Variants in RFX7 observed in about 807,000 individuals in gnomAD.
RFX7 encodes the protein DNA-binding protein RFX7.
Under a neutral mutation model 111.8 loss-of-function variants are expected in RFX7, and 26 were observed. That is an observed-to-expected ratio of 0.23 (90% CI 0.17 to 0.32). RFX7 has a LOEUF of 0.32. Ranked by LOEUF, RFX7 falls within the 10% of genes least tolerant of loss-of-function variation. The pLI is 1.00. For missense variants in RFX7, 1,573 were observed against 1,772.9 expected (o/e 0.89, Z 2.02); for synonymous variants, 624 against 624.4 (o/e 1.00, Z 0.01).
intron 2 of RFX7, among the ~76,000 whole-genome samples, chr15:56,233,489 T>G (rs558126025): frequency 1.3e-5 from 2 of 152,010 alleles, no homozygotes; most frequent in African/African-American, 4.8e-5. Flanking sequence ...GCAGTGGAAA[T>G]AGGAAGACAA....
At chr15:56,152,920 T>G (rs1193324424) in intron 3 of RFX7, among the ~76,000 whole-genome samples, 1 of 152,010 alleles carries the variant, frequency 6.6e-6, no homozygotes, top group Non-Finnish European at 1.5e-5. Context: ...CATCAGAGAA[T>G]ACTATAAAAA....
chr15:56,165,730 C>G (rs1389742147), intron 3 of RFX7, among the ~76,000 whole-genome samples: 2 of 152,152 alleles, frequency 1.3e-5, no homozygotes, highest in Non-Finnish European at 2.9e-5. Context: ...AGGCTACCTG[C>G]ATTTTTTAAA....
In RFX7 at chr15:56,096,327, CAT is replaced by C. The variant is rs1859788678; in HGVS notation, c.1399_1400del (p.Met467GlufsTer19). ...IKTAVVPASH[M>X]SSLNVVKMTT... ...TCATTTTCACCACATTTAGAGAACT[CAT>C]GTGTGAAGCGGGTACAACAGCAGTT... On this transcript the variant is annotated frameshift_variant, in exon 10 of 10. Transcript: ENST00000559447. LOFTEE classifies it high-confidence loss of function. The C allele has an allele frequency of 1.2e-6, 2 of 1,613,812 alleles. No homozygotes were observed. The highest frequency in any genetic ancestry group is 1.3e-5 in the African/African-American group (1 of 74,896).
chr15:56,122,213 G>A (rs2042088046), intron 5 of RFX7, among the ~76,000 whole-genome samples: 3 of 152,016 alleles, frequency 2.0e-5, no homozygotes, highest in Admixed American at 2.0e-4. Flanking sequence ...ATCTGTTTTT[G>A]GCCACCACAG....
At chr15:56,106,276 T>A (rs1021009624) in intron 5 of RFX7, among the ~76,000 whole-genome samples, 22 of 152,234 alleles carry the variant, frequency 1.4e-4, no homozygotes, top group African/African-American at 5.3e-4. Context: ...TTATTCTACC[T>A]CTTGGAAGGA....
At chr15:56,127,610 C>T (rs536145605) in intron 5 of RFX7, among the ~76,000 whole-genome samples, 171 of 149,932 alleles carry the variant, frequency 1.1e-3, no homozygotes, top group African/African-American at 3.8e-3. Context: ...TGCAGTGGCG[C>T]GATCTCGACT....
At chr15:56,110,258 G>A (rs1400939063) in intron 5 of RFX7, among the ~76,000 whole-genome samples, 1 of 101,376 alleles carries the variant, frequency 9.9e-6, no homozygotes, top group Non-Finnish European at 2.1e-5. Flanking sequence ...CCCCGTCCGG[G>A]AGGGAGGTGG....
chr15:56,182,140 T>C (rs1362629960), intron 2 of RFX7, among the ~76,000 whole-genome samples: 1 of 152,132 alleles, frequency 6.6e-6, no homozygotes, highest in African/African-American at 2.4e-5. Flanking sequence ...CATTATATAT[T>C]ACAATGTAAT....
chr15:56,106,959 A>T (rs2041837560), intron 5 of RFX7, among the ~76,000 whole-genome samples: 1 of 152,162 alleles, frequency 6.6e-6, no homozygotes, highest in South Asian at 2.1e-4. Flanking sequence ...GACTCAAAAA[A>T]GGGTGAGGAA....
At chr15:56,112,133 A>AG (rs59932447) in intron 5 of RFX7, among the ~76,000 whole-genome samples, 1 of 150,242 alleles carries the variant, frequency 6.7e-6, no homozygotes, top group African/African-American at 2.4e-5. Flanking sequence ...AAAAAAAAAA[A>AG]GAATCACTAA....
intron 2 of RFX7, among the ~76,000 whole-genome samples, chr15:56,228,896 C>T (rs1177715689): frequency 1.3e-5 from 2 of 151,920 alleles, no homozygotes; most frequent in African/African-American, 4.8e-5. Flanking sequence ...ATAAATTAGG[C>T]ATAGTAAGAG....
intron 2 of RFX7, among the ~76,000 whole-genome samples, chr15:56,225,963 A>T (rs1000537532): frequency 1.3e-5 from 2 of 152,126 alleles, no homozygotes; most frequent in Non-Finnish European, 2.9e-5. Flanking sequence ...ATTTTCTTTT[A>T]TGATGGGAGA....
intron 2 of RFX7, among the ~76,000 whole-genome samples, chr15:56,230,237 G>C (rs1008868700): frequency 1.2e-4 from 18 of 152,322 alleles, no homozygotes; most frequent in Admixed American, 1.0e-3. Flanking sequence ...TGTATACTCA[G>C]TCACGAAAGG....
intron 7 of RFX7, 68 bp from the exon 8 acceptor site, chr15:56,101,634 G>T: frequency 1.5e-6 from 2 of 1,331,978 alleles, no homozygotes; most frequent in Non-Finnish European, 2.1e-6. Context: ...GCATGTTAAA[G>T]ATATGTATTC....
Position 56,243,793 on chromosome 15 carries a change from G to GCCGCCGCCGCCGCTCGCTCCCGGCC in RFX7, c.-376_-352dup, listed in dbSNP as rs1333501122. ...GCTCCACGCCACTCCCCACGCCGCC[G>GCCGCCGCCGCCGCTCGCTCCCGGCC]CCGCCGCCGCCGCTCGCTCCCGGCC... On this transcript the variant is annotated 5_prime_UTR_variant, in exon 1 of 10. Coordinates refer to ENST00000559447, the MANE Select transcript of RFX7 (RefSeq NM_022841.7). Among the ~76,000 whole-genome samples the GCCGCCGCCGCCGCTCGCTCCCGGCC allele has an allele frequency of 1.4e-5, 2 of 147,946 alleles. No individual in the cohort carries two copies. The highest frequency in any genetic ancestry group is 3.0e-5 in the Non-Finnish European group (2 of 66,360).
chr15:56,136,640 C>G (rs1261318096), intron 5 of RFX7, among the ~76,000 whole-genome samples: 2 of 152,028 alleles, frequency 1.3e-5, no homozygotes, highest in African/African-American at 4.8e-5. Context: ...CTGGCCAGCA[C>G]TTCCAACACT....
intron 2 of RFX7, 74 bp from the exon 3 acceptor site, chr15:56,179,377 G>A: frequency 3.3e-6 from 2 of 610,894 alleles, no homozygotes; most frequent in Non-Finnish European, 4.9e-6. Context: ...AAAAAGATGT[G>A]GTAATTTAGT....
chr15:56,122,438 C>T (rs1024052895), intron 5 of RFX7, among the ~76,000 whole-genome samples: 1 of 152,220 alleles, frequency 6.6e-6, no homozygotes, highest in African/African-American at 2.4e-5. Flanking sequence ...GTGACACAAG[C>T]AGCCCTGTGA....
intron 2 of RFX7, among the ~76,000 whole-genome samples, chr15:56,236,023 T>C (rs753545621): frequency 1.2e-4 from 19 of 152,194 alleles, no homozygotes; most frequent in South Asian, 4.2e-4. Flanking sequence ...AAGACTCAAA[T>C]AGTAAGGAAT....
Sources: allele counts gnomAD v4.1 joint callset (sites outside exome capture counted in the v4.1 genomes callset), GRCh38; gene constraint gnomAD v4.1.1; transcripts MANE v1.5; gene names NCBI Gene and HGNC (gene_info 2026-07-23, HGNC 2026-07-21).